PDE11A: variants seen among roughly 807,000 people sequenced by gnomAD.
PDE11A encodes the protein phosphodiesterase 11A, also known as dual 3',5'-cyclic-AMP and -GMP phosphodiesterase 11A.
Under a neutral mutation model 100.5 loss-of-function variants are expected in PDE11A, and 100 were observed. That is an observed-to-expected ratio of 1.00 (90% CI 0.85 to 1.18). PDE11A has a LOEUF of 1.18. PDE11A is among the 50% of genes most tolerant of loss of function. The pLI is 0.00. For synonymous variants in PDE11A, 381 were observed against 420.8 expected, an observed-to-expected ratio of 0.91 and a Z score of 1.16; for missense variants, 1,141 against 1,152.6, an observed-to-expected ratio of 0.99 and a Z score of 0.15.
chr2:178,087,286 G>T (rs1365080497), intron 2 of PDE11A, among the ~76,000 whole-genome samples: 1 of 151,720 alleles, frequency 6.6e-6, no homozygotes, highest in African/African-American at 2.4e-5. Flanking sequence ...CTGGGAGGCA[G>T]AGGTTGCAGT....
chr2:178,062,144 G>C (rs1351519280), intron 1 of PDE11A, among the ~76,000 whole-genome samples: 1 of 152,122 alleles, frequency 6.6e-6, no homozygotes, highest in African/African-American at 2.4e-5. Flanking sequence ...GCTTCCAGCT[G>C]TTCGTCTCCC....
intron 1 of PDE11A, among the ~76,000 whole-genome samples, chr2:178,045,792 T>G (rs1443675980): frequency 1.3e-5 from 2 of 152,222 alleles, no homozygotes; most frequent in Admixed American, 1.3e-4. Flanking sequence ...AATAATCAGT[T>G]ACCTGGTGTC....
At chr2:178,024,297 A>G (rs947337012) in intron 1 of PDE11A, among the ~76,000 whole-genome samples, 1 of 152,184 alleles carries the variant, frequency 6.6e-6, no homozygotes, top group African/African-American at 2.4e-5. Flanking sequence ...CTGTAATCCC[A>G]GCTACTCGGG....
chr2:177,685,502 T>G (rs1449281689), intron 15 of PDE11A, among the ~76,000 whole-genome samples: 1 of 152,222 alleles, frequency 6.6e-6, no homozygotes, highest in Non-Finnish European at 1.5e-5. Context: ...AGTGAAAGCA[T>G]GTTCCCTGTG....
intron 2 of PDE11A, among the ~76,000 whole-genome samples, chr2:178,006,795 T>G (rs1480238546): frequency 7.4e-6 from 1 of 134,598 alleles, no homozygotes; most frequent in Non-Finnish European, 1.6e-5. Context: ...ACTAACTACT[T>G]TCACTTAATT....
chr2:178,073,133 T>G (rs983826903), upstream of PDE11A: 7 of 915,528 alleles, frequency 7.6e-6, no homozygotes, highest in African/African-American at 1.3e-4. Flanking sequence ...GTTGATGTTT[T>G]GCAGGGATCT....
Position 177,840,330 on chromosome 2 carries a change from C to G in PDE11A, c.1421G>C (p.Ser474Thr). 1 of 1,613,460 alleles carries G rather than the reference C, an allele frequency of 6.2e-7. No homozygotes were observed. The highest frequency in any genetic ancestry group is 8.5e-7 in the Non-Finnish European group (1 of 1,179,370). Reference sequence around the variant, plus strand: ...TGTTGAAGCAACCAGCTCAGCAATGCTGTTATTTATTAGCCAGTCGGAGTA... The same window carrying G: ...TGTTGAAGCAACCAGCTCAGCAATGGTGTTATTTATTAGCCAGTCGGAGTA... ...SSYSDWLINN[S>T]IAELVASTGL... Residue 474 changes from serine to threonine, a missense_variant, in exon 6 of 20, where the codon AGC (serine) becomes ACC (threonine). Physicochemically the swap from Ser to Thr is moderately conservative, Grantham distance 58. Coordinates refer to ENST00000286063, the MANE Select transcript of PDE11A (RefSeq NM_016953.4).
At chr2:177,928,124 A>G (rs1403396491) in intron 2 of PDE11A, among the ~76,000 whole-genome samples, 1 of 148,408 alleles carries the variant, frequency 6.7e-6, no homozygotes, top group Non-Finnish European at 1.5e-5. Context: ...AAAAAAAAAA[A>G]AAGCCATGAG....
At chr2:177,917,815 A>G (rs2084975503) in intron 2 of PDE11A, among the ~76,000 whole-genome samples, 1 of 152,224 alleles carries the variant, frequency 6.6e-6, no homozygotes, top group East Asian at 1.9e-4. Context: ...AAAATAATTC[A>G]TCATCCAAAT....
chr2:177,808,763 T>G (rs1409147470), intron 9 of PDE11A, among the ~76,000 whole-genome samples: 3 of 152,064 alleles, frequency 2.0e-5, no homozygotes, highest in Non-Finnish European at 4.4e-5. Flanking sequence ...AGGGGACCTG[T>G]GTTTGTACAA....
intron 2 of PDE11A, among the ~76,000 whole-genome samples, chr2:177,999,389 T>C (rs1264412285): frequency 1.3e-5 from 2 of 152,236 alleles, no homozygotes; most frequent in Admixed American, 1.3e-4. Flanking sequence ...GGAATACCTA[T>C]AACAAATTTC....
chr2:177,799,246 C>T (rs997253487), intron 9 of PDE11A, among the ~76,000 whole-genome samples: 1 of 151,972 alleles, frequency 6.6e-6, no homozygotes, highest in African/African-American at 2.4e-5. Context: ...AATAGGGTAT[C>T]CTGAATGAGA....
chr2:178,051,565 T>C (rs2086827382), intron 1 of PDE11A, among the ~76,000 whole-genome samples: 2 of 152,210 alleles, frequency 1.3e-5, no homozygotes, highest in Admixed American at 1.3e-4. Flanking sequence ...GACTGGCAAA[T>C]TGGATAAAGA....
At chr2:177,741,825 C>G (rs1400347128) in intron 10 of PDE11A, among the ~76,000 whole-genome samples, 1 of 152,164 alleles carries the variant, frequency 6.6e-6, no homozygotes, top group Non-Finnish European at 1.5e-5. Context: ...AGGAGATTCA[C>G]TTGAAGCCAG....
intron 13 of PDE11A, chr2:177,702,339 G>C (rs10192481): frequency 0.76 from 115,198 of 151,240 alleles, 43,958 homozygotes; most frequent in East Asian, 0.84. Context: ...AGTTCAAAAA[G>C]GTTCGTGTCC....
At chr2:178,075,113 C>G (rs2087190300), upstream of PDE11A, among the ~76,000 whole-genome samples, 1 of 152,082 alleles carries the variant, frequency 6.6e-6, no homozygotes, top group Non-Finnish European at 1.5e-5. Context: ...ATGACAGAAA[C>G]AGTGAAGAAA....
intron 1 of PDE11A, among the ~76,000 whole-genome samples, chr2:178,064,676 C>A (rs1013460744): frequency 2.6e-5 from 4 of 151,702 alleles, no homozygotes; most frequent in African/African-American, 9.7e-5. Flanking sequence ...AGTAGACACC[C>A]TGCCGGGCTC....
chr2:177,712,342 C>CTTTTTTTTTTT (rs35906687), intron 12 of PDE11A, among the ~76,000 whole-genome samples: 2 of 139,814 alleles, frequency 1.4e-5, no homozygotes, highest in African/African-American at 5.3e-5. Context: ...CACAACCCTT[C>CTTTTTTTTTTT]TTTTTTTTTT....
At chr2:177,770,971 C>A (rs1449438174) in intron 9 of PDE11A, among the ~76,000 whole-genome samples, 2 of 152,124 alleles carry the variant, frequency 1.3e-5, no homozygotes, top group Non-Finnish European at 2.9e-5. Context: ...CGACCACAGG[C>A]ATACACCACT....
Sources: gnomAD v4.1 joint callset for allele counts (sites outside exome capture counted in the v4.1 genomes callset) on GRCh38, gnomAD v4.1.1 for gene constraint, MANE v1.5 for transcripts, NCBI Gene and HGNC (gene_info 2026-07-23, HGNC 2026-07-21) for gene names.